Variants in ZFR observed in about 807,000 individuals in gnomAD.
ZFR encodes the protein zinc finger RNA-binding protein.
Under a neutral mutation model 130.7 loss-of-function variants are expected in ZFR, and 19 were observed. The observed-to-expected ratio is 0.15, with a 90% CI of 0.10 to 0.21. ZFR has a LOEUF of 0.21. ZFR is among the 10% of genes least tolerant of loss of function. The pLI, the probability that ZFR is intolerant of heterozygous loss-of-function variation, is 1.00. For missense variants in ZFR, 872 were observed against 1,321.5 expected, an observed-to-expected ratio of 0.66 and a Z score of 5.27; for synonymous variants, 466 against 456.9, an observed-to-expected ratio of 1.02 and a Z score of -0.25.
chr5:32,363,228 CT>C (rs1752472693), intron 19 of ZFR, among the ~76,000 whole-genome samples: 1 of 152,148 alleles, frequency 6.6e-6, no homozygotes, highest in African/African-American at 2.4e-5. Context: ...CTTTTTTCCC[CT>C]ACTCAGCACA....
chr5:32,401,718 C>T (rs1293814194), intron 8 of ZFR, among the ~76,000 whole-genome samples: 3 of 152,042 alleles, frequency 2.0e-5, no homozygotes, highest in Non-Finnish European at 4.4e-5. Context: ...AGAAGACTAA[C>T]ACAATAGATA....
At chr5:32,436,994 G>GC (rs1414319920) in intron 2 of ZFR, among the ~76,000 whole-genome samples, 2 of 152,156 alleles carry the variant, frequency 1.3e-5, no homozygotes, top group Non-Finnish European at 2.9e-5. Flanking sequence ...CAGACTGTTT[G>GC]CCCAAGGTCA....
chr5:32,404,246 A>G (rs910070999), intron 6 of ZFR, 149 bp from the exon 7 acceptor site: 7 of 598,050 alleles, frequency 1.2e-5, no homozygotes, highest in Non-Finnish European at 2.0e-5. Flanking sequence ...CATTCGTTAC[A>G]TATGTGACAT....
At chr5:32,394,430 C>T (rs924070421) in intron 11 of ZFR, 1 of 168,420 alleles carries the variant, frequency 5.9e-6, no homozygotes, top group African/African-American at 2.4e-5. Context: ...TAATTCAAAT[C>T]GTCATCTGGC....
rs139087778 is a variant in ZFR, at chr5:32,355,877, C to T, written c.3108G>A (p.Pro1036=). The part of the protein sequence containing the change: ...IHKVLGMDPL[P]QMSQRFNIHN... ...GGATGTTAAAACGTTGGCTCATTTGCGGTAATGGATCCATGCCTAGAACTT... is the reference window on the plus strand; with the variant it reads ...GGATGTTAAAACGTTGGCTCATTTGTGGTAATGGATCCATGCCTAGAACTT... Residue 1036 remains proline, a synonymous_variant, in exon 20 of 20, where the codon CCG becomes CCA. Coordinates refer to ENST00000265069, the MANE Select transcript of ZFR (RefSeq NM_016107.5). The T allele has an allele frequency of 5.2e-5, 84 of 1,611,148 alleles. No homozygotes were observed. Among genetic ancestry groups the T allele is most frequent in the Middle Eastern group, 3.3e-4 (2 of 6,052 alleles).
chr5:32,438,501 G>C (rs903737455), intron 2 of ZFR, among the ~76,000 whole-genome samples: 2 of 151,966 alleles, frequency 1.3e-5, no homozygotes, highest in African/African-American at 4.8e-5. Flanking sequence ...AACCTCAAGT[G>C]ATCTGCCCAC....
chr5:32,441,480 C>G (rs1252932435), intron 2 of ZFR, among the ~76,000 whole-genome samples: 1 of 151,680 alleles, frequency 6.6e-6, no homozygotes, highest in Non-Finnish European at 1.5e-5. Context: ...AAAAGTTGGC[C>G]CTCCATGAAT....
In ZFR at chr5:32,417,694, G is replaced by A. The variant is rs754564706; in HGVS notation, c.519C>T (p.Ala173=). ...CAACAGAAGGCTGAGGTTGGGCAGC[G>A]GCAGCTACAGCAGCAGCAGTTGCTG... The part of the protein sequence containing the change: ...QPTATAAAVA[A]AAQPQPSVAE... The change falls in exon 4 of 20, where the codon GCC becomes GCT. Residue 173 remains alanine, a synonymous_variant. Coordinates refer to ENST00000265069, the MANE Select transcript of ZFR (RefSeq NM_016107.5). The A allele has an allele frequency of 3.0e-5, 48 of 1,613,756 alleles. No homozygotes were observed. Among genetic ancestry groups the A allele is most frequent in the Middle Eastern group, 1.6e-4 (1 of 6,080 alleles).
intron 2 of ZFR, among the ~76,000 whole-genome samples, chr5:32,436,634 T>C (rs1230865020): frequency 6.6e-6 from 1 of 152,146 alleles, no homozygotes; most frequent in Non-Finnish European, 1.5e-5. Flanking sequence ...TCACAAATAA[T>C]GTTTTCTTTT....
At chr5:32,391,648 T>G (rs1005095550) in intron 11 of ZFR, among the ~76,000 whole-genome samples, 1 of 152,050 alleles carries the variant, frequency 6.6e-6, no homozygotes, top group Non-Finnish European at 1.5e-5. Context: ...GCAAATTCTG[T>G]TAACAATTAG....
chr5:32,404,206 A>G, intron 6 of ZFR, 109 bp from the exon 7 acceptor site: 1 of 959,514 alleles, frequency 1.0e-6, no homozygotes, highest in South Asian at 1.9e-5. Flanking sequence ...AGACCAAAAC[A>G]AACTTTTTAA....
At chr5:32,437,402 C>A (rs890165284) in intron 2 of ZFR, among the ~76,000 whole-genome samples, 3 of 151,736 alleles carry the variant, frequency 2.0e-5, no homozygotes, top group Non-Finnish European at 4.4e-5. Context: ...GACTAATATT[C>A]AAATAAAACA....
chr5:32,385,487 A>G (rs762967359), intron 15 of ZFR, 21 bp downstream of exon 15: 3 of 1,607,742 alleles, frequency 1.9e-6, no homozygotes, highest in Non-Finnish European at 1.7e-6. Flanking sequence ...TAGAAAGTAG[A>G]AAGTTTAATG....
Position 32,407,021 on chromosome 5 carries a change from C to A in ZFR, c.785G>T (p.Gly262Val). 2 of 1,478,968 alleles carry A rather than the reference C, an allele frequency of 1.4e-6. No homozygotes were observed. Among genetic ancestry groups the A allele is most frequent in the Non-Finnish European group, 1.8e-6 (2 of 1,114,184 alleles). The allele number at this position is 1,478,968 out of a possible 1,614,324, so 91.6% of individuals were successfully genotyped here. ...TGCTTCATAACCTGAATAAGACGTA[C>A]CTTACAAATAAAAATCAAACAAAAA... The part of the protein sequence containing the change: ...TYSTTAVTYS[G>V]TSYSGYEAAV... The change falls in exon 6 of 20, where the codon GGT becomes GTT. Residue 262 changes from glycine to valine, a missense_variant and splice_region_variant. Physicochemically the swap from Gly to Val is moderately radical, Grantham distance 109. Transcript: ENST00000265069.
chr5:32,438,196 A>C (rs1000157793), intron 2 of ZFR, among the ~76,000 whole-genome samples: 8 of 150,902 alleles, frequency 5.3e-5, no homozygotes, highest in African/African-American at 1.9e-4. Flanking sequence ...CTTATTTGAA[A>C]TTTAATAATC....
At chr5:32,389,113 T>A (rs12697269) in intron 12 of ZFR, among the ~76,000 whole-genome samples, 32,217 of 152,150 alleles carry the variant, frequency 0.21, 4,049 homozygotes, top group African/African-American at 0.36. Flanking sequence ...TTGTTTTTGG[T>A]AGACTGAACT....
chr5:32,369,485 TAAAAC>T (rs70961625), intron 17 of ZFR, among the ~76,000 whole-genome samples: 91 of 150,836 alleles, frequency 6.0e-4, no homozygotes, highest in East Asian at 3.3e-3. Context: ...TATCATTCTT[TAAAAC>T]AAAACAAAAC....
chr5:32,425,347 G>A (rs935190981), intron 2 of ZFR, among the ~76,000 whole-genome samples: 1 of 152,202 alleles, frequency 6.6e-6, no homozygotes, highest in African/African-American at 2.4e-5. Flanking sequence ...TGTGAGGCCA[G>A]GCTGCCTTCA....
At chr5:32,369,512 AAAC>A (rs1399000246) in intron 17 of ZFR, among the ~76,000 whole-genome samples, 1 of 151,460 alleles carries the variant, frequency 6.6e-6, no homozygotes, top group Non-Finnish European at 1.5e-5. Context: ...AAACAAAACA[AAAC>A]AAAAAACTGG....
Sources: gnomAD v4.1 joint callset for allele counts (sites outside exome capture counted in the v4.1 genomes callset) on GRCh38, gnomAD v4.1.1 for gene constraint, MANE v1.5 for transcripts, NCBI Gene and HGNC (gene_info 2026-07-23, HGNC 2026-07-21) for gene names.